Variants in DOT1L observed in about 807,000 individuals in gnomAD.
The protein encoded by DOT1L is DOT1 like histone lysine methyltransferase, also known as histone-lysine N-methyltransferase, H3 lysine-79 specific.
In DOT1L, 33 loss-of-function variants were observed where a neutral mutation model predicts 153.3. That is an observed-to-expected ratio of 0.22 (90% confidence interval 0.16 to 0.29). The LOEUF is 0.29. DOT1L is among the 10% of genes least tolerant of loss of function. The probability of loss-of-function intolerance (pLI) is 1.00; values close to 1 mark genes in which losing one functional copy is unlikely to be tolerated. For synonymous variants in DOT1L, 1,135 were observed against 965.1 expected, an observed-to-expected ratio of 1.18 and a Z score of -3.26; for missense variants, 1,847 against 2,119.9, an observed-to-expected ratio of 0.87 and a Z score of 2.53.
chr19:2,221,504 C>G (rs2144898264), intron 23 of DOT1L: 1 of 163,422 alleles, frequency 6.1e-6, no homozygotes, highest in Middle Eastern at 3.1e-3. Flanking sequence ...GGAAGTGCAC[C>G]ACTCATCGTG....
At chr19:2,181,066 CCCTCGACGG>C (rs2022208350) in intron 2 of DOT1L, among the ~76,000 whole-genome samples, 1 of 152,208 alleles carries the variant, frequency 6.6e-6, no homozygotes. Flanking sequence ...CCCTCACGCG[CCCTCGACGG>C]CCTCCTGTGT....
At chr19:2,180,626 T>A in intron 1 of DOT1L, 87 bp from the exon 2 acceptor site, 1 of 1,517,410 alleles carries the variant, frequency 6.6e-7, no homozygotes, top group Non-Finnish European at 9.0e-7. Flanking sequence ...AGATGGGAAG[T>A]TGACGGCATC....
At chr19:2,178,955 C>T (rs2022094993) in intron 1 of DOT1L, among the ~76,000 whole-genome samples, 2 of 152,176 alleles carry the variant, frequency 1.3e-5, no homozygotes, top group Admixed American at 1.3e-4. Context: ...TGATCCGAAC[C>T]AGGAGGTGGA....
intron 27 of DOT1L, chr19:2,227,723 TCTC>T (rs1411953844): frequency 2.3e-6 from 3 of 1,309,768 alleles, no homozygotes; most frequent in Non-Finnish European, 3.0e-6. Flanking sequence ...TGCGTTTTTC[TCTC>T]CTATTTGCAG....
rs1462605405 is a variant in DOT1L at position 2,204,869 on chromosome 19, G to A, written c.788-1860G>A. Among the ~76,000 whole-genome samples, 1 of 152,190 alleles carries A rather than the reference G, an allele frequency of 6.6e-6. No homozygotes were observed. The highest frequency in any genetic ancestry group is 1.5e-5 in the Non-Finnish European group (1 of 68,032). The stretch of plus-strand genomic sequence containing the variant: ...ACCGCCCTTCCTGCTCCTCCTGAGG[G>A]GAGTGGTGTGTAGAATGCCAGGCCT... On this transcript the variant is annotated intron_variant, in intron 9 of 27. Transcript: ENST00000398665. This position sits in a 1 kb window ranked among gnomAD's most constrained non-coding sequence, Gnocchi z 5.7.
Position 2,194,647 on chromosome 19 carries a change from C to G in DOT1L, c.651+70C>G. Reference sequence around the variant, plus strand: ...CCCGCTCCCACCCTCCTGTCAGCCCCTCCTTTCTTGCCGATGTTGGCACAT... The same window carrying G: ...CCCGCTCCCACCCTCCTGTCAGCCCGTCCTTTCTTGCCGATGTTGGCACAT... On this transcript the variant is annotated intron_variant, in intron 7 of 27. Transcript: ENST00000398665. 3.7e-6 allele frequency: 4 copies of G among 1,067,846 alleles called. No homozygotes were observed. In the South Asian group the frequency reaches 4.5e-5, roughly 12 times the overall value. The allele number at this position is 1,067,846 out of a possible 1,614,324, so 66.1% of individuals were successfully genotyped here.
At chr19:2,227,519 C>CG (rs908204521) in intron 27 of DOT1L, 23 of 528,368 alleles carry the variant, frequency 4.4e-5, no homozygotes, top group African/African-American at 7.9e-5. Context: ...GAGGAGCCGC[C>CG]GGGGGGAGCG....
In DOT1L at chr19:2,228,450, C is replaced by T. The variant is rs893913981; in HGVS notation, c.4606+1323C>T. On this transcript the variant is annotated intron_variant, in intron 27 of 27. Coordinates refer to ENST00000398665, the MANE Select transcript of DOT1L (RefSeq NM_032482.3). Reference sequence around the variant, plus strand: ...ACTGTCCTTCCTTTGGCAGAGAAGACGGCCACAGGGCTCGGCAGAAGTTCC... The same window carrying T: ...ACTGTCCTTCCTTTGGCAGAGAAGATGGCCACAGGGCTCGGCAGAAGTTCC... The T allele has an allele frequency of 4.9e-6, 6 of 1,223,232 alleles. No individual in the cohort carries two copies. In the African/African-American group the frequency reaches 6.4e-5, roughly 13 times the overall value. The allele number at this position is 1,223,232 out of a possible 1,614,324, so 75.8% of individuals were successfully genotyped here.
At chr19:2,196,045 T>C (rs963569004) in intron 7 of DOT1L, among the ~76,000 whole-genome samples, 7 of 152,364 alleles carry the variant, frequency 4.6e-5, no homozygotes, top group African/African-American at 1.7e-4. Flanking sequence ...TCTGTGGGCC[T>C]GTCAGCCAGG....
At chr19:2,192,143 C>G (rs879364038) in intron 5 of DOT1L, among the ~76,000 whole-genome samples, 3 of 152,156 alleles carry the variant, frequency 2.0e-5, no homozygotes, top group African/African-American at 4.8e-5. Flanking sequence ...ACGTCTGCCC[C>G]CTTTCCACAG....
rs1448358118 is a variant in DOT1L, at chr19:2,164,123, C to T, written c.-62C>T. The T allele has an allele frequency of 3.9e-5, 30 of 771,918 alleles. No homozygotes were observed. The highest frequency in any genetic ancestry group is 6.0e-5 in the South Asian group (1 of 16,768). The allele number at this position is 771,918 out of a possible 1,614,324, so 47.8% of individuals were successfully genotyped here. On this transcript the variant is annotated 5_prime_UTR_variant, in exon 1 of 28. Transcript: ENST00000398665. ...CTCCCGCCCGCCCTCCTCCGCCCAC[C>T]GGCGGCCCCGCCCCTCCCCCAACCG...
chr19:2,164,684 T>C (rs2019842546), intron 1 of DOT1L, among the ~76,000 whole-genome samples: 1 of 151,984 alleles, frequency 6.6e-6, no homozygotes, highest in Non-Finnish European at 1.5e-5. Context: ...CTTCTCTTCT[T>C]TTTAAAAATT....
intron 5 of DOT1L, among the ~76,000 whole-genome samples, chr19:2,192,290 C>T (rs1454151504): frequency 1.3e-5 from 2 of 152,138 alleles, no homozygotes; most frequent in African/African-American, 2.4e-5. Flanking sequence ...GCTAGGAGTT[C>T]AAGACCAGGC....
At chr19:2,166,486 A>T (rs2019927463) in intron 1 of DOT1L, among the ~76,000 whole-genome samples, 1 of 149,874 alleles carries the variant, frequency 6.7e-6, no homozygotes, top group Non-Finnish European at 1.5e-5. Flanking sequence ...ATCTCTGCTC[A>T]CTGCATCGTC....
Position 2,211,127 on chromosome 19 carries a change from C to T in DOT1L, c.1380C>T (p.Phe460=), listed in dbSNP as rs749203672. The change falls in exon 15 of 28, where the codon TTC becomes TTT. Residue 460 remains phenylalanine (F), a synonymous_variant. Transcript: ENST00000398665. ...QDAYRSPHSP[F]YQLPPSVQRH... ...CCTACAGATCCCCTCACAGCCCGTTCTACCAGCTACCTCCGAGCGTGCAGC... is the reference window on the plus strand; with the variant it reads ...CCTACAGATCCCCTCACAGCCCGTTTTACCAGCTACCTCCGAGCGTGCAGC... 18 of 1,613,040 alleles carry T rather than the reference C, an allele frequency of 1.1e-5. No individual in the cohort carries two copies. The highest frequency in any genetic ancestry group is 1.3e-5 in the Non-Finnish European group (15 of 1,179,826).
chr19:2,213,677 T>C, intron 17 of DOT1L, 37 bp downstream of exon 17: 1 of 1,611,670 alleles, frequency 6.2e-7, no homozygotes, highest in Non-Finnish European at 8.5e-7. Context: ...AGGTGGCAGC[T>C]GGGGCGCAGG....
At chr19:2,229,341 T>C in intron 27 of DOT1L, 1 of 985,418 alleles carries the variant, frequency 1.0e-6, no homozygotes. Context: ...CAGGGGCCCC[T>C]GGGACACAGG....
At position 2,222,991 on chromosome 19, in the gene DOT1L, C is replaced by T. The variant is rs1306028276; in HGVS notation, c.3391-290C>T. The T allele has an allele frequency of 4.3e-6, 2 of 463,358 alleles. No individual in the cohort carries two copies. Among genetic ancestry groups the T allele is most frequent in the Non-Finnish European group, 7.6e-6 (2 of 261,948 alleles). The allele number at this position is 463,358 out of a possible 1,614,324, so 28.7% of individuals were successfully genotyped here. ...CTGGGAAGAGGCGGCCGACAGCTGT[C>T]TCTGGGGTTCGGAGTGCGATGCGCT... On this transcript the variant is annotated intron_variant, in intron 24 of 27. Coordinates refer to ENST00000398665, the MANE Select transcript of DOT1L (RefSeq NM_032482.3). The surrounding 1 kb of genome is among the most constrained non-coding windows in gnomAD (Gnocchi z 6.5).
Position 2,227,692 on chromosome 19 carries a change from G to A in DOT1L, c.4606+565G>A, listed in dbSNP as rs1251790678. On this transcript the variant is annotated intron_variant, in intron 27 of 27. Transcript: ENST00000398665. Reference sequence around the variant, plus strand: ...GCGGCTGCTGCTCTGCGCTTGCCTGGATGCTGCCGCTTGTTGAAGCTGCGT... The same window carrying A: ...GCGGCTGCTGCTCTGCGCTTGCCTGAATGCTGCCGCTTGTTGAAGCTGCGT... 3.9e-6 allele frequency: 5 copies of A among 1,295,358 alleles called. No homozygotes were observed. The South Asian group carries it at 6.2e-5, about 16-fold the overall frequency. 80.2% of individuals were successfully genotyped at this position (1,295,358 alleles called of 1,614,324 possible). A position where few individuals can be genotyped will look rare whatever the true frequency, so the allele number is the denominator to read the frequency against.
Sources: gnomAD v4.1 joint callset for allele counts (sites outside exome capture counted in the v4.1 genomes callset) on GRCh38, gnomAD v4.1.1 for gene constraint, Gnocchi (gnomAD v3.1) non-coding constraint, MANE v1.5 for transcripts, NCBI Gene and HGNC (gene_info 2026-07-23, HGNC 2026-07-21) for gene names.